The following OGA variants were observed in gnomAD, a reference collection of about 807,000 sequenced individuals.
OGA encodes protein O-GlcNAcase.
Under a neutral mutation model 102.0 loss-of-function variants are expected in OGA, and 21 were observed. That is an observed-to-expected ratio of 0.21 (90% confidence interval 0.15 to 0.30). The LOEUF (loss-of-function observed/expected upper bound fraction) is 0.30. OGA is among the 10% of genes least tolerant of loss of function. The pLI, the probability that OGA is intolerant of heterozygous loss-of-function variation, is 1.00. For synonymous variants in OGA, 408 were observed against 378.2 expected (o/e 1.08, Z -0.91); for missense variants, 765 against 1,107.8 (o/e 0.69, Z 4.39).
At chr10:101,790,034 A>G (rs920542887) in intron 14 of OGA, among the ~76,000 whole-genome samples, 1 of 152,206 alleles carries the variant, frequency 6.6e-6, no homozygotes, top group East Asian at 1.9e-4. Flanking sequence ...GTGTTGGCCA[A>G]CATGGGGCAT....
At chr10:101,800,995 G>A (rs899615772) in intron 7 of OGA, among the ~76,000 whole-genome samples, 7 of 151,808 alleles carry the variant, frequency 4.6e-5, no homozygotes, top group African/African-American at 1.2e-4. Context: ...GACTGGTCTC[G>A]AACTCGACCT....
chr10:101,789,084 C>CA (rs1386134671), intron 14 of OGA, among the ~76,000 whole-genome samples: 1 of 152,190 alleles, frequency 6.6e-6, no homozygotes, highest in Non-Finnish European at 1.5e-5. Flanking sequence ...AGCAATACAT[C>CA]AGCAGCTCAA....
chr10:101,800,167 C>A, intron 8 of OGA, 75 bp downstream of exon 8: 1 of 1,495,748 alleles, frequency 6.7e-7, no homozygotes, highest in Non-Finnish European at 9.2e-7. Context: ...GCCACCACAC[C>A]CGGGAGACAG....
intron 14 of OGA, among the ~76,000 whole-genome samples, chr10:101,789,105 A>C (rs2135026716): frequency 6.6e-6 from 1 of 152,350 alleles, no homozygotes; most frequent in East Asian, 1.9e-4. Flanking sequence ...TCACCAGCAT[A>C]GTGTCAGTGT....
chr10:101,815,961 GAGAAAAAAA>G (rs1242231780), intron 1 of OGA, among the ~76,000 whole-genome samples: 4,276 of 23,598 alleles, frequency 0.18, 114 homozygotes, highest in Admixed American at 0.26. Context: ...ATCAAAAAGA[GAGAAAAAAA>G]AAAAAAAAAA....
At chr10:101,804,139 G>T in intron 6 of OGA, 120 bp from the exon 7 acceptor site, 1 of 768,848 alleles carries the variant, frequency 1.3e-6, no homozygotes, top group Non-Finnish European at 2.1e-6. Flanking sequence ...GAGCCCAGGA[G>T]TTCGGACCAG....
At chr10:101,816,820 A>C (rs1255644438) in intron 1 of OGA, among the ~76,000 whole-genome samples, 2 of 152,190 alleles carry the variant, frequency 1.3e-5, no homozygotes, top group African/African-American at 2.4e-5. Flanking sequence ...GTGAAAAAAA[A>C]CAGAAAAGCT....
chr10:101,809,582 G>T (rs1462884359), intron 4 of OGA, among the ~76,000 whole-genome samples: 1 of 151,686 alleles, frequency 6.6e-6, no homozygotes, highest in African/African-American at 2.4e-5. Context: ...CAGGCATGGT[G>T]GTGTGCCTGT....
intron 6 of OGA, among the ~76,000 whole-genome samples, chr10:101,804,878 C>A (rs971898817): frequency 1.3e-5 from 2 of 152,104 alleles, no homozygotes; most frequent in Non-Finnish European, 1.5e-5. Flanking sequence ...ATTACAGGCA[C>A]GAACCAATGC....
chr10:101,817,063 T>C (rs1306876660), intron 1 of OGA, among the ~76,000 whole-genome samples: 2 of 152,216 alleles, frequency 1.3e-5, no homozygotes, highest in Non-Finnish European at 2.9e-5. Flanking sequence ...GGACTATCTG[T>C]CCATTCTCAT....
chr10:101,790,925 T>A lies in OGA; in HGVS notation c.2425A>T (p.Asn809Tyr). The change falls in exon 14 of 16, where the codon AAT becomes TAT. Residue 809 changes from asparagine to tyrosine, a missense_variant. Coordinates refer to ENST00000361464, the MANE Select transcript of OGA (RefSeq NM_012215.5). Reference sequence around the variant, plus strand: ...GCCTCAGAGAGTTCCTTGTCACCATTTGGCTTGGTATACTTCTCCTGCATG... The same window carrying A: ...GCCTCAGAGAGTTCCTTGTCACCATATGGCTTGGTATACTTCTCCTGCATG... ...PFMQEKYTKP[N>Y]GDKELSEAEK... 6.2e-7 allele frequency: 1 copy of A among 1,612,108 alleles called. No individual in the cohort carries two copies. Among genetic ancestry groups the A allele is most frequent in the Non-Finnish European group, 8.5e-7 (1 of 1,178,610 alleles).
intron 3 of OGA, 156 bp downstream of exon 3, chr10:101,812,870 CTCTT>C (rs935433487): frequency 8.5e-6 from 6 of 704,832 alleles, no homozygotes; most frequent in Non-Finnish European, 1.6e-5. Flanking sequence ...GCGCAGAGCA[CTCTT>C]TCAATCTCAG....
intron 5 of OGA, among the ~76,000 whole-genome samples, chr10:101,807,124 C>T (rs552792179): frequency 1.3e-5 from 2 of 152,218 alleles, no homozygotes; most frequent in East Asian, 1.9e-4. Flanking sequence ...ATAAGGTTCT[C>T]GGCTCACAAT....
intron 14 of OGA, among the ~76,000 whole-genome samples, chr10:101,788,257 G>A (rs2065215039): frequency 6.6e-6 from 1 of 150,908 alleles, no homozygotes; most frequent in Non-Finnish European, 1.5e-5. Context: ...GGGCAACAAA[G>A]TAAAACCCTG....
rs1236527997 is a variant in OGA, at chr10:101,810,318, A to G, written c.350-4T>C. ...GAGATGAGAGTCATAAGTTGCTCTA[A>G]AGAACAGAGTCTATGTTTTTAGAAA... On this transcript the variant is annotated splice_polypyrimidine_tract_variant and splice_region_variant and intron_variant, in intron 3 of 15. Coordinates refer to ENST00000361464, the MANE Select transcript of OGA (RefSeq NM_012215.5). 1 of 1,607,474 alleles carries G rather than the reference A, an allele frequency of 6.2e-7. No homozygotes were observed. The highest frequency in any genetic ancestry group is 1.7e-5 in the Admixed American group (1 of 58,782).
chr10:101,816,686 C>T (rs1383915026), intron 1 of OGA, among the ~76,000 whole-genome samples: 1 of 152,260 alleles, frequency 6.6e-6, no homozygotes, highest in African/African-American at 2.4e-5. Flanking sequence ...TGTAATCCCC[C>T]AAATTCTGCA....
In OGA at chr10:101,798,935, T is replaced by G. The variant is rs375882276; in HGVS notation, c.1716A>C (p.Gly572=). The change falls in exon 9 of 16, where the codon GGA becomes GGC. Residue 572 remains glycine (G), a synonymous_variant. Coordinates refer to ENST00000361464, the MANE Select transcript of OGA (RefSeq NM_012215.5). ...CCCGTAACATCTGTGCTCCTTTGGG[T>G]CCATGCTCGTAAGGAAGGTAGAATA... ...ADLFYLPYEH[G]PKGAQMLREF... 2.8e-5 allele frequency: 45 copies of G among 1,613,986 alleles called. No homozygotes were observed. Among genetic ancestry groups the G allele is most frequent in the African/African-American group, 4.0e-5 (3 of 74,900 alleles).
At position 101,785,961 on chromosome 10, in the gene OGA, G is replaced by A. The variant is rs895212956; in HGVS notation, c.*490C>T. ...AATTATTTATTCAGCTTAAACTAAT[G>A]CCACAACCATCCCACTTGGAATCAC... On this transcript the variant is annotated 3_prime_UTR_variant, in exon 16 of 16. Transcript: ENST00000361464. The A allele has an allele frequency of 6.6e-6, 1 of 152,344 alleles. No individual in the cohort carries two copies. The highest frequency in any genetic ancestry group is 2.4e-5 in the African/African-American group (1 of 41,416). 9.4% of individuals were successfully genotyped at this position (152,344 alleles called of 1,614,324 possible). A position where few individuals can be genotyped will look rare whatever the true frequency, so the allele number is the denominator to read the frequency against.
At chr10:101,794,144 T>C in intron 10 of OGA, 146 bp from the exon 11 acceptor site, 3 of 522,272 alleles carry the variant, frequency 5.7e-6, no homozygotes. Context: ...TAATAATTAT[T>C]ATTTTTTAAA....
Sources: allele counts gnomAD v4.1 joint callset (sites outside exome capture counted in the v4.1 genomes callset), GRCh38; gene constraint gnomAD v4.1.1; transcripts MANE v1.5; gene names NCBI Gene and HGNC (gene_info 2026-07-23, HGNC 2026-07-21).